The following SARNP variants were observed in gnomAD, a reference collection of about 807,000 sequenced individuals.
The protein encoded by SARNP is SAP domain containing ribonucleoprotein, also known as SAP domain-containing ribonucleoprotein.
SARNP carries 5 observed loss-of-function variants against 38.1 expected under a neutral mutation model. That is an observed-to-expected ratio of 0.13 (90% CI 0.07 to 0.28). The LOEUF (loss-of-function observed/expected upper bound fraction) is 0.28. Ranked by LOEUF, SARNP falls within the 10% of genes least tolerant of loss-of-function variation. The pLI, the probability that SARNP is intolerant of heterozygous loss-of-function variation, is 1.00. For synonymous variants in SARNP, 84 were observed against 80.6 expected, an observed-to-expected ratio of 1.04 and a Z score of -0.23; for missense variants, 180 against 243.9, an observed-to-expected ratio of 0.74 and a Z score of 1.75.
chr12:55,774,893 T>G (rs566982051), intron 9 of SARNP, among the ~76,000 whole-genome samples: 3 of 148,158 alleles, frequency 2.0e-5, no homozygotes, highest in East Asian at 2.0e-4. Context: ...GTTTTTTTTT[T>G]TTTTTTTTTG....
chr12:55,758,176 C>G (rs59980563), intron 10 of SARNP, among the ~76,000 whole-genome samples: 17,513 of 152,166 alleles, frequency 0.12, 1,954 homozygotes, highest in African/African-American at 0.29. Flanking sequence ...GGGAAGACTT[C>G]TGGTTCTGGA....
chr12:55,790,244 T>G (rs542347654), intron 8 of SARNP, among the ~76,000 whole-genome samples: 24 of 151,296 alleles, frequency 1.6e-4, no homozygotes, highest in African/African-American at 5.3e-4. Flanking sequence ...TTGTGGTAAT[T>G]ATGAATTAGA....
At chr12:55,802,479 C>G (rs1880008143) in intron 2 of SARNP, among the ~76,000 whole-genome samples, 1 of 151,846 alleles carries the variant, frequency 6.6e-6, no homozygotes, top group Non-Finnish European at 1.5e-5. Context: ...AAACCCCACA[C>G]CTAACCTCAT....
chr12:55,758,249 T>C (rs1878573977), intron 10 of SARNP, among the ~76,000 whole-genome samples: 1 of 152,186 alleles, frequency 6.6e-6, no homozygotes, highest in Admixed American at 6.5e-5. Context: ...CCTAGCAGAA[T>C]ACAAACTCCT....
intron 9 of SARNP, among the ~76,000 whole-genome samples, chr12:55,765,628 G>C (rs1180791470): frequency 2.6e-5 from 4 of 151,954 alleles, no homozygotes; most frequent in Admixed American, 6.6e-5. Context: ...ACAGGCATGA[G>C]CCACCACACC....
At position 55,757,417 on chromosome 12, in the gene SARNP, G is replaced by A. The variant is rs549253578; in HGVS notation, c.*95C>T. On this transcript the variant is annotated 3_prime_UTR_variant, in exon 11 of 11. Coordinates refer to ENST00000336133, the MANE Select transcript of SARNP (RefSeq NM_033082.4). The stretch of plus-strand genomic sequence containing the variant: ...ATGCTCCCTCATTGCGAGGCAGGAC[G>A]TAGGCACATGACTGTGCATTTAGGC... 1.2e-4 allele frequency: 127 copies of A among 1,019,094 alleles called. No individual in the cohort carries two copies. The highest frequency in any genetic ancestry group is 3.1e-4 in the Admixed American group (12 of 38,538). 63.1% of individuals were successfully genotyped at this position (1,019,094 alleles called of 1,614,324 possible).
At chr12:55,771,305 G>T (rs1414982356) in intron 9 of SARNP, among the ~76,000 whole-genome samples, 2 of 152,122 alleles carry the variant, frequency 1.3e-5, no homozygotes, top group Admixed American at 1.3e-4. Flanking sequence ...CATATAAAAA[G>T]AAACTAGGAG....
chr12:55,780,200 C>G (rs1282803269), intron 9 of SARNP, among the ~76,000 whole-genome samples: 1 of 151,862 alleles, frequency 6.6e-6, no homozygotes, highest in African/African-American at 2.4e-5. Context: ...TGCCTGTAAT[C>G]TCAGCACTTT....
Position 55,757,465 on chromosome 12 carries a change from A to C in SARNP, c.*47T>G. The stretch of plus-strand genomic sequence containing the variant: ...GGCATATATGTGACCAAGAAGAAGG[A>C]GAGAAATGGAAAACACTGGAGAACA... On this transcript the variant is annotated 3_prime_UTR_variant, in exon 11 of 11. Transcript: ENST00000336133. The C allele has an allele frequency of 3.2e-6, 5 of 1,541,738 alleles. No homozygotes were observed. The highest frequency in any genetic ancestry group is 4.4e-6 in the Non-Finnish European group (5 of 1,127,116).
At chr12:55,812,986 G>T (rs1880373262) in intron 1 of SARNP, among the ~76,000 whole-genome samples, 1 of 151,830 alleles carries the variant, frequency 6.6e-6, no homozygotes, top group African/African-American at 2.4e-5. Flanking sequence ...TCACTCTGTT[G>T]CCCAGGCTGG....
At position 55,794,869 on chromosome 12, in the gene SARNP, C is replaced by G. The variant is rs777872810; in HGVS notation, c.315G>C (p.Lys105Asn). Residue 105 changes from lysine (K) to asparagine (N), a missense_variant, in exon 6 of 11, where the codon AAG becomes AAC. Physicochemically the swap from Lys to Asn is moderately conservative, Grantham distance 94. Around this residue, in one of 2 missense-constraint regions of SARNP, gnomAD observed 161 missense variants for 194.1 expected, o/e 0.83. Coordinates refer to ENST00000336133, the MANE Select transcript of SARNP (RefSeq NM_033082.4). ...SEIPQTERMQ[K>N]RAERFNVPVS... ...CAGGTACATTGAATCGTTCAGCCCT[C>G]TTCTGCATTCTCTAAGTAAAAATAG... 1.3e-6 allele frequency: 2 copies of G among 1,575,340 alleles called. No homozygotes were observed. The highest frequency in any genetic ancestry group is 1.7e-6 in the Non-Finnish European group (2 of 1,155,684).
In SARNP at chr12:55,803,717, T is replaced by TA; in HGVS notation, c.47dup (p.Gln18AlafsTer26). 6.2e-7 allele frequency: 1 copy of TA among 1,612,758 alleles called. No homozygotes were observed. Among genetic ancestry groups the TA allele is most frequent in the Non-Finnish European group, 8.5e-7 (1 of 1,178,984 alleles). On this transcript the variant is annotated frameshift_variant, in exon 2 of 11. Coordinates refer to ENST00000336133, the MANE Select transcript of SARNP (RefSeq NM_033082.4). LOFTEE classifies it high-confidence loss of function. Reference sequence around the variant, plus strand: ...AACCACGAGCAAGACATTCTTGCTTTAGTTCGGCAAGCTGAGGGGAAAAAA... The same window carrying TA: ...AACCACGAGCAAGACATTCTTGCTTTAAGTTCGGCAAGCTGAGGGGAAAAAA...
At chr12:55,804,277 G>A (rs1880069881) in intron 1 of SARNP, among the ~76,000 whole-genome samples, 1 of 152,036 alleles carries the variant, frequency 6.6e-6, no homozygotes, top group African/African-American at 2.4e-5. Flanking sequence ...AATATCTAAT[G>A]GCATACCATA....
intron 9 of SARNP, 171 bp from the exon 10 acceptor site, chr12:55,760,811 A>C: frequency 1.8e-6 from 1 of 568,376 alleles, no homozygotes; most frequent in South Asian, 2.4e-5. Context: ...AGCATATACT[A>C]TGTTGTACCT....
intron 9 of SARNP, among the ~76,000 whole-genome samples, chr12:55,775,555 C>CA (rs56311724): frequency 0.13 from 15,942 of 120,668 alleles, 1,645 homozygotes; most frequent in African/African-American, 0.31. Context: ...AAAACAAAAA[C>CA]AAAAAAAAAA....
At chr12:55,784,928 G>C (rs1346960069) in intron 9 of SARNP, among the ~76,000 whole-genome samples, 1 of 152,194 alleles carries the variant, frequency 6.6e-6, no homozygotes, top group Non-Finnish European at 1.5e-5. Flanking sequence ...ATCTTCAAGT[G>C]AAGTAGTCCC....
intron 9 of SARNP, among the ~76,000 whole-genome samples, chr12:55,777,588 A>G (rs1879220034): frequency 6.6e-6 from 1 of 151,978 alleles, no homozygotes; most frequent in South Asian, 2.1e-4. Context: ...GTTAGCCAGG[A>G]TGTTCTCGAT....
At chr12:55,761,995 CA>C (rs1878690489) in intron 9 of SARNP, 1 of 152,238 alleles carries the variant, frequency 6.6e-6, no homozygotes, top group Non-Finnish European at 1.5e-5. Flanking sequence ...GACAGATAAG[CA>C]AGAGTTCAAA....
intron 6 of SARNP, among the ~76,000 whole-genome samples, 162 bp from the exon 7 acceptor site, chr12:55,794,549 TA>T (rs1489736861): frequency 1.3e-5 from 2 of 152,318 alleles, no homozygotes; most frequent in Non-Finnish European, 2.9e-5. Flanking sequence ...GAAATTAAGC[TA>T]AAAGGAAGCC....
Sources: allele counts gnomAD v4.1 joint callset (sites outside exome capture counted in the v4.1 genomes callset), GRCh38; gene constraint gnomAD v4.1.1; regional missense constraint gnomAD v4.1.1; transcripts MANE v1.5; gene names NCBI Gene and HGNC (gene_info 2026-07-23, HGNC 2026-07-21).